The following PHRF1 variants were observed in gnomAD, a reference collection of about 807,000 sequenced individuals.
PHRF1 encodes the protein PHD and RING finger domain-containing protein 1.
Under a neutral mutation model 128.9 loss-of-function variants are expected in PHRF1, and 53 were observed. The ratio of observed to expected loss-of-function variants is 0.41; its 90% confidence interval spans 0.33 to 0.52. The LOEUF is 0.52. Among genes scored for constraint, PHRF1 ranks in the 20% least tolerant of loss-of-function variants. PHRF1 has a pLI of 0.21. For synonymous variants in PHRF1, 1,178 were observed against 980.6 expected (o/e 1.20, Z -3.76); for missense variants, 2,503 against 2,284.5 (o/e 1.10, Z -1.95).
At chr11:578,690 C>A (rs538611240) in intron 1 of PHRF1, among the ~76,000 whole-genome samples, 2 of 152,150 alleles carry the variant, frequency 1.3e-5, no homozygotes, top group Non-Finnish European at 1.5e-5. Context: ...CTCAGACTCC[C>A]GAGCAGCTGG....
chr11:580,952 G>A (rs771789616), intron 1 of PHRF1, among the ~76,000 whole-genome samples: 2 of 151,992 alleles, frequency 1.3e-5, no homozygotes, highest in Non-Finnish European at 2.9e-5. Context: ...GCCTCTCAAA[G>A]TGCTGGGGTT....
intron 10 of PHRF1, among the ~76,000 whole-genome samples, chr11:604,628 C>T (rs1175728906): frequency 2.0e-5 from 3 of 152,176 alleles, no homozygotes; most frequent in Non-Finnish European, 2.9e-5. Flanking sequence ...AGTTCTCTTG[C>T]CTCAGCCTCC....
chr11:577,493 T>G (rs1718619764), intron 1 of PHRF1, among the ~76,000 whole-genome samples: 1 of 152,266 alleles, frequency 6.6e-6, no homozygotes, highest in South Asian at 2.1e-4. Context: ...GTTTTCTTTC[T>G]TATTGGAAGA....
chr11:609,028 C>G lies in PHRF1; in HGVS notation c.3572C>G (p.Ser1191Cys), dbSNP rs756646309. The stretch of plus-strand genomic sequence containing the variant: ...AAGTGGCCGCAGACCCGGTCCCATT[C>G]CCCAGAGAGGAAGGGGGCTGTGAGG... The part of the protein sequence containing the change: ...REKWPQTRSH[S>C]PERKGAVREA... Residue 1191 changes from serine (S) to cysteine (C), a missense_variant, in exon 14 of 18, where the codon TCC (serine) becomes TGC (cysteine). Transcript: ENST00000264555. 6 of 1,595,360 alleles carry G rather than the reference C, an allele frequency of 3.8e-6. No homozygotes were observed. Among genetic ancestry groups the G allele is most frequent in the East Asian group, 2.3e-5 (1 of 44,128 alleles).
intron 1 of PHRF1, among the ~76,000 whole-genome samples, chr11:580,559 T>C (rs1335895113): frequency 6.6e-6 from 1 of 152,204 alleles, no homozygotes; most frequent in African/African-American, 2.4e-5. Context: ...ATCCCAACAG[T>C]GGCCAGCCTT....
rs775179931 is a variant in PHRF1 at position 609,110 on chromosome 11, C to G, written c.3654C>G (p.Thr1218=). The change falls in exon 14 of 18, where the codon ACC becomes ACG. Residue 1218 remains threonine (T), a synonymous_variant. Transcript: ENST00000264555. The part of the protein sequence containing the change: ...QGEPGREDLP[T]RLPALGEAHV... Reference sequence around the variant, plus strand: ...AGCCAGGGCGGGAAGACCTCCCCACCAGGTTGCCAGCCTTGGGGGAAGCAC... The same window carrying G: ...AGCCAGGGCGGGAAGACCTCCCCACGAGGTTGCCAGCCTTGGGGGAAGCAC... The G allele has an allele frequency of 1.9e-6, 3 of 1,605,434 alleles. No individual in the cohort carries two copies. The East Asian group carries it at 6.7e-5, about 36-fold the overall frequency.
rs559460244 is a variant in PHRF1 at position 600,200 on chromosome 11, C to T, written c.1025-1374C>T. Reference sequence around the variant, plus strand: ...CTCAGGGATGTCAGGCTCTGTTCTTCGGTGCAGCTCATTTTCTGTGTCTCT... The same window carrying T: ...CTCAGGGATGTCAGGCTCTGTTCTTTGGTGCAGCTCATTTTCTGTGTCTCT... On this transcript the variant is annotated intron_variant, in intron 9 of 17. Transcript: ENST00000264555. 6.6e-5 allele frequency among the ~76,000 whole-genome samples: 10 copies of T among 151,132 alleles called. No homozygotes were observed. The East Asian group carries it at 1.7e-3, about 26-fold the overall frequency.
At chr11:600,549 C>T (rs758633773) in intron 9 of PHRF1, among the ~76,000 whole-genome samples, 11 of 146,342 alleles carry the variant, frequency 7.5e-5, no homozygotes, top group Middle Eastern at 3.5e-3. Context: ...AAATCTTTGA[C>T]GCCGGGCACA....
At position 609,411 on chromosome 11, in the gene PHRF1, A is replaced by G. The variant is rs764102195; in HGVS notation, c.3955A>G (p.Ile1319Val). The change falls in exon 14 of 18, where the codon ATC (isoleucine) becomes GTC (valine). Residue 1319 changes from isoleucine (I) to valine (V), a missense_variant. Coordinates refer to ENST00000264555, the MANE Select transcript of PHRF1 (RefSeq NM_001286581.2). ...CCCAGCCAGCCTGGCCGTGGCCGCC[A>G]TCCAGAGGGAGGTGTCATTGATGCA... is the stretch of plus-strand genomic sequence containing the variant. ...LPPASLAVAAIQREVSLMHDE... is the reference protein window; with the variant it reads ...LPPASLAVAAVQREVSLMHDE... 9 of 1,610,082 alleles carry G rather than the reference A, an allele frequency of 5.6e-6. No individual in the cohort carries two copies. Among genetic ancestry groups the G allele is most frequent in the South Asian group, 5.5e-5 (5 of 91,072 alleles).
intron 17 of PHRF1, 101 bp downstream of exon 17, chr11:611,183 C>CG (rs1856371458): frequency 2.6e-6 from 4 of 1,529,714 alleles, no homozygotes; most frequent in Non-Finnish European, 2.6e-6. Flanking sequence ...AGTGCAGGCC[C>CG]GAGGTCAGCC....
At chr11:585,212 C>T (rs1384774641) in intron 3 of PHRF1, among the ~76,000 whole-genome samples, 1 of 151,882 alleles carries the variant, frequency 6.6e-6, no homozygotes, top group Admixed American at 6.6e-5. Flanking sequence ...TTACACTGCC[C>T]TTTCCAGCTT....
chr11:609,112 G>C lies in PHRF1; in HGVS notation c.3656G>C (p.Arg1219Thr). 6.2e-7 allele frequency: 1 copy of C among 1,605,666 alleles called. No individual in the cohort carries two copies. Among genetic ancestry groups the C allele is most frequent in the Non-Finnish European group, 8.5e-7 (1 of 1,177,442 alleles). ...GEPGREDLPT[R>T]LPALGEAHVS... Reference sequence around the variant, plus strand: ...CCAGGGCGGGAAGACCTCCCCACCAGGTTGCCAGCCTTGGGGGAAGCACAT... The same window carrying C: ...CCAGGGCGGGAAGACCTCCCCACCACGTTGCCAGCCTTGGGGGAAGCACAT... Residue 1219 changes from arginine to threonine, a missense_variant, in exon 14 of 18, where the codon AGG becomes ACG. Coordinates refer to ENST00000264555, the MANE Select transcript of PHRF1 (RefSeq NM_001286581.2).
In PHRF1 at chr11:609,668, C is replaced by G. The variant is rs772244333; in HGVS notation, c.4212C>G (p.Thr1404=). The G allele has an allele frequency of 8.4e-6, 13 of 1,554,966 alleles. No homozygotes were observed. The highest frequency in any genetic ancestry group is 1.8e-4 in the Middle Eastern group (1 of 5,668). ...LRSRALVKRV[T]WNLQESESSA... ...CCAGAGCCCTGGTGAAGCGGGTCAC[C>G]TGGAACCTGCAGGAGTCGGAGAGCA... The change falls in exon 14 of 18, where the codon ACC becomes ACG. Residue 1404 remains threonine, a synonymous_variant. Transcript: ENST00000264555.
At chr11:611,170 A>T in intron 17 of PHRF1, 88 bp downstream of exon 17, 1 of 1,571,712 alleles carries the variant, frequency 6.4e-7, no homozygotes, top group South Asian at 1.2e-5. Flanking sequence ...TGGGGTGGCC[A>T]TGAGTGCAGG....
At chr11:606,681 C>G in intron 13 of PHRF1, 85 bp downstream of exon 13, 1 of 1,475,812 alleles carries the variant, frequency 6.8e-7, no homozygotes, top group Non-Finnish European at 9.0e-7. Flanking sequence ...ATGTCTCAGT[C>G]ACGGAAGATG....
Position 607,530 on chromosome 11 carries a change from G to A in PHRF1, c.2074G>A (p.Gly692Ser), listed in dbSNP as rs777379726. The change falls in exon 14 of 18, where the codon GGC becomes AGC. Residue 692 changes from glycine (G) to serine (S), a missense_variant. Physicochemically the swap from Gly to Ser is moderately conservative, Grantham distance 56. Coordinates refer to ENST00000264555, the MANE Select transcript of PHRF1 (RefSeq NM_001286581.2). Reference protein sequence around the residue: ...IPKIRRDDGGGRRDAAPAHGQ... With the variant: ...IPKIRRDDGGSRRDAAPAHGQ... ...AAAGATCAGGAGAGATGACGGTGGT[G>A]GCAGACGGGATGCGGCCCCGGCCCA... 1 of 1,612,746 alleles carries A rather than the reference G, an allele frequency of 6.2e-7. No individual in the cohort carries two copies. The highest frequency in any genetic ancestry group is 2.2e-5 in the East Asian group (1 of 44,882).
Position 607,384 on chromosome 11 carries a change from C to G in PHRF1, c.1928C>G (p.Ala643Gly). 1 of 1,612,824 alleles carries G rather than the reference C, an allele frequency of 6.2e-7. No homozygotes were observed. The highest frequency in any genetic ancestry group is 1.1e-5 in the South Asian group (1 of 91,090). The change falls in exon 14 of 18, where the codon GCC (alanine) becomes GGC (glycine). Residue 643 changes from alanine (A) to glycine (G), a missense_variant. By Grantham distance (60) the Ala-to-Gly change is moderately conservative. Coordinates refer to ENST00000264555, the MANE Select transcript of PHRF1 (RefSeq NM_001286581.2). ...NGTNKHTLPL[A>G]SAASKISSRD... is the part of the protein sequence containing the mutation. The stretch of plus-strand genomic sequence containing the variant: ...ACCAACAAGCACACCTTGCCCCTTG[C>G]CTCTGCCGCGTCTAAGATCTCAAGC...
Position 610,558 on chromosome 11 carries a change from G to C in PHRF1, c.4474G>C (p.Ala1492Pro), listed in dbSNP as rs751415854. ...PAQPSSIPPC[A>P]LVSQPTVQFI... ...CCAGCCCTCAAGCATCCCACCCTGC[G>C]CACTGGTCAGCCAGCCCACGGTCCA... Residue 1492 changes from alanine to proline, a missense_variant, in exon 16 of 18, where the codon GCA becomes CCA. By Grantham distance (27) the Ala-to-Pro change is conservative. Coordinates refer to ENST00000264555, the MANE Select transcript of PHRF1 (RefSeq NM_001286581.2). The C allele has an allele frequency of 6.2e-7, 1 of 1,605,956 alleles. No homozygotes were observed. The highest frequency in any genetic ancestry group is 2.2e-5 in the East Asian group (1 of 44,866).
At chr11:585,594 GTAGTAGCCCTTTC>G (rs1854488730) in intron 3 of PHRF1, among the ~76,000 whole-genome samples, 2 of 98,666 alleles carry the variant, frequency 2.0e-5, no homozygotes, top group Non-Finnish European at 4.2e-5. Context: ...CCAGCTTGAG[GTAGTAGCCCTTTC>G]CAGCTTGAGG....
Sources: gnomAD v4.1 joint callset for allele counts (sites outside exome capture counted in the v4.1 genomes callset) on GRCh38, gnomAD v4.1.1 for gene constraint, MANE v1.5 for transcripts, NCBI Gene and HGNC (gene_info 2026-07-23, HGNC 2026-07-21) for gene names.